The following RBPJ variants were observed in gnomAD, a reference collection of about 807,000 sequenced individuals.
The protein encoded by RBPJ is recombination signal binding protein for immunoglobulin kappa J region, also known as recombining binding protein suppressor of hairless.
A neutral mutation model predicts 67.8 loss-of-function variants in RBPJ; 9 were observed. The observed-to-expected ratio is 0.13, with a 90% CI of 0.08 to 0.23. The LOEUF is 0.23. Ranked by LOEUF, RBPJ falls within the 10% of genes least tolerant of loss-of-function variation. The pLI, the probability that RBPJ is intolerant of heterozygous loss-of-function variation, is 1.00. For missense variants in RBPJ, 305 were observed against 595.6 expected, an observed-to-expected ratio of 0.51 and a Z score of 5.08; for synonymous variants, 198 against 203.3, an observed-to-expected ratio of 0.97 and a Z score of 0.22.
chr4:26,261,394 T>A (rs1469358879), intron 1 of RBPJ, among the ~76,000 whole-genome samples: 1 of 151,968 alleles, frequency 6.6e-6, no homozygotes, highest in East Asian at 1.9e-4. Context: ...AGAAAATATG[T>A]TATGCCAACC....
intron 1 of RBPJ, among the ~76,000 whole-genome samples, chr4:26,167,165 G>T (rs79238576): frequency 0.28 from 41,600 of 151,262 alleles, 6,478 homozygotes; most frequent in East Asian, 0.49. Context: ...CTCCAGCTTT[G>T]TTCTTTTGGC....
chr4:26,169,297 C>A (rs1716459890), intron 1 of RBPJ, among the ~76,000 whole-genome samples: 1 of 152,214 alleles, frequency 6.6e-6, no homozygotes, highest in African/African-American at 2.4e-5. Flanking sequence ...ACAGACAGGA[C>A]CCTCAGCTGC....
At chr4:26,354,637 A>G (rs985408322) in intron 1 of RBPJ, among the ~76,000 whole-genome samples, 6 of 151,876 alleles carry the variant, frequency 4.0e-5, no homozygotes, top group Non-Finnish European at 1.5e-5. Context: ...TTTAGTAGAG[A>G]CCGGGTTTCT....
upstream of RBPJ, among the ~76,000 whole-genome samples, chr4:26,318,643 A>G (rs1722745671): frequency 6.6e-6 from 1 of 152,014 alleles, no homozygotes; most frequent in Non-Finnish European, 1.5e-5. Context: ...AGAGCTGTTT[A>G]TTTATTTATT....
At chr4:26,392,809 A>G (rs1250217566) in intron 2 of RBPJ, among the ~76,000 whole-genome samples, 1 of 152,266 alleles carries the variant, frequency 6.6e-6, no homozygotes, top group Non-Finnish European at 1.5e-5. Flanking sequence ...CTATATTTCA[A>G]TTAAATCTCA....
chr4:26,319,471 ACCCCGCCCGCGCC>A (rs751625133), upstream of RBPJ, among the ~76,000 whole-genome samples: 233 of 23,560 alleles, frequency 9.9e-3, 1 homozygote, highest in Non-Finnish European at 0.015. Context: ...CTCCCTTCCC[ACCCCGCCCGCGCC>A]CGCCGCCCGC....
intron 1 of RBPJ, among the ~76,000 whole-genome samples, chr4:26,182,532 C>A (rs1717046967): frequency 6.8e-6 from 1 of 147,372 alleles, no homozygotes; most frequent in Non-Finnish European, 1.5e-5. Flanking sequence ...CTTGCTCTGT[C>A]ACCCAGGCTG....
At chr4:26,390,716 G>T (rs543625314) in intron 2 of RBPJ, among the ~76,000 whole-genome samples, 2 of 152,294 alleles carry the variant, frequency 1.3e-5, no homozygotes, top group African/African-American at 4.8e-5. Flanking sequence ...ATTACTGGGA[G>T]AACTTGAAGT....
intron 1 of RBPJ, among the ~76,000 whole-genome samples, chr4:26,207,322 G>A (rs942012636): frequency 2.0e-5 from 3 of 147,514 alleles, no homozygotes; most frequent in African/African-American, 7.5e-5. Context: ...AAGTTGGACA[G>A]TGTCTTTTGT....
chr4:26,333,969 G>A (rs1044743306), intron 1 of RBPJ, among the ~76,000 whole-genome samples: 3 of 151,978 alleles, frequency 2.0e-5, no homozygotes, highest in Non-Finnish European at 4.4e-5. Context: ...ACATGGCTCG[G>A]ACATAATTTT....
the RBPJ span, among the ~76,000 whole-genome samples, chr4:26,151,573 A>G: frequency 0.015 from 2,355 of 152,260 alleles, 60 homozygotes; most frequent in African/African-American, 0.053. Flanking sequence ...TCTTTGAGAG[A>G]GTCACTGTCC....
At chr4:26,321,205 G>A (rs963557922) in intron 1 of RBPJ, among the ~76,000 whole-genome samples, 157 bp downstream of exon 1, 1 of 146,134 alleles carries the variant, frequency 6.8e-6, no homozygotes, top group African/African-American at 2.5e-5. Flanking sequence ...GCGGCGTGTG[G>A]CCGTGCGCTG....
At chr4:26,207,146 T>C (rs1360323205) in intron 1 of RBPJ, among the ~76,000 whole-genome samples, 1 of 152,186 alleles carries the variant, frequency 6.6e-6, no homozygotes, top group African/African-American at 2.4e-5. Context: ...CACGTCTGAT[T>C]CTGAAATGGA....
chr4:26,365,632 A>G (rs1728544529), intron 1 of RBPJ, among the ~76,000 whole-genome samples: 1 of 152,248 alleles, frequency 6.6e-6, no homozygotes, highest in Non-Finnish European at 1.5e-5. Context: ...TAGTTCCACT[A>G]AGTGTATGTT....
At chr4:26,149,796 C>A in the RBPJ span, among the ~76,000 whole-genome samples, 9 of 152,176 alleles carry the variant, frequency 5.9e-5, no homozygotes, top group Non-Finnish European at 1.3e-4. Context: ...CTTATAGCAA[C>A]ACAAACCAGA....
At chr4:26,276,285 AAAAG>A (rs1045098207) in intron 1 of RBPJ, among the ~76,000 whole-genome samples, 3 of 151,858 alleles carry the variant, frequency 2.0e-5, no homozygotes, top group Non-Finnish European at 4.4e-5. Flanking sequence ...AAAAAAAAAA[AAAAG>A]AAAAAGAAAA....
At chr4:26,250,373 C>T (rs1232653733) in intron 1 of RBPJ, among the ~76,000 whole-genome samples, 1 of 148,486 alleles carries the variant, frequency 6.7e-6, no homozygotes, top group Non-Finnish European at 1.5e-5. Context: ...ACTCTGTCAC[C>T]CAGGCTGTAG....
At position 26,305,418 on chromosome 4, in the gene RBPJ, T is replaced by G. The variant is rs181528029; in HGVS notation, c.-166-57028T>G. Among the ~76,000 whole-genome samples, 15 of 152,358 alleles carry G rather than the reference T, an allele frequency of 9.8e-5. No individual in the cohort carries two copies. The East Asian group carries it at 2.9e-3, about 29-fold the overall frequency. On this transcript the variant is annotated intron_variant, in intron 1 of 4. Transcript: ENST00000512351. ...ATCTGTGGAATAATTTGGTGAGTGT[T>G]GCCATCTTAATAATAATACCTTTTG...
chr4:26,316,711 A>G (rs1226822172), upstream of RBPJ, among the ~76,000 whole-genome samples: 4 of 143,632 alleles, frequency 2.8e-5, no homozygotes, highest in Non-Finnish European at 6.0e-5. Flanking sequence ...ATATATATAT[A>G]CACACACACA....
Sources: allele counts gnomAD v4.1 joint callset (sites outside exome capture counted in the v4.1 genomes callset), GRCh38; gene constraint gnomAD v4.1.1; transcripts MANE v1.5; gene names NCBI Gene and HGNC (gene_info 2026-07-23, HGNC 2026-07-21).